MAST4: variants seen among roughly 807,000 people sequenced by gnomAD.
MAST4 encodes the protein microtubule-associated serine/threonine-protein kinase 4.
Under a neutral mutation model 162.7 loss-of-function variants are expected in MAST4, and 89 were observed. The observed-to-expected ratio is 0.55, with a 90% CI of 0.46 to 0.65. The LOEUF is 0.65. Ranked by LOEUF, MAST4 falls within the 30% of genes least tolerant of loss-of-function variation. The pLI is 0.00. For missense variants in MAST4, 3,153 were observed against 3,374.0 expected, an observed-to-expected ratio of 0.93 and a Z score of 1.62; for synonymous variants, 1,479 against 1,361.1, an observed-to-expected ratio of 1.09 and a Z score of -1.91.
intron 4 of MAST4, among the ~76,000 whole-genome samples, chr5:66,900,400 T>G (rs1762934228): frequency 6.6e-6 from 1 of 152,114 alleles, no homozygotes; most frequent in South Asian, 2.1e-4. Flanking sequence ...TTGAATCAGT[T>G]AAACTTTCCA....
At position 66,815,507 on chromosome 5, in the gene MAST4, G is replaced by A. The variant is rs961739396; in HGVS notation, c.642+26713G>A. ...ATAGAAAAAAAACAGTATATATGGG[G>A]CTTGGTACTATCTGTGGTTTCGGGC... is the stretch of plus-strand genomic sequence containing the variant. On this transcript the variant is annotated intron_variant, in intron 3 of 28. Transcript: ENST00000403625. Among the ~76,000 whole-genome samples, 24 of 152,192 alleles carry A rather than the reference G, an allele frequency of 1.6e-4. 1 individual carries two copies. Among genetic ancestry groups the A allele is most frequent in the Non-Finnish European group, 3.5e-4 (24 of 68,038 alleles).
chr5:66,931,185 T>C (rs1018686032), intron 4 of MAST4, among the ~76,000 whole-genome samples: 3 of 152,170 alleles, frequency 2.0e-5, no homozygotes, highest in Admixed American at 1.3e-4. Flanking sequence ...AGAAGGCAAT[T>C]CATGCTATGC....
At chr5:66,931,708 C>T (rs926366224) in intron 4 of MAST4, among the ~76,000 whole-genome samples, 1 of 152,012 alleles carries the variant, frequency 6.6e-6, no homozygotes, top group Admixed American at 6.6e-5. Context: ...AAATATTTAG[C>T]TCATATTGAA....
At chr5:66,619,032 G>A (rs1310730513) in intron 1 of MAST4, among the ~76,000 whole-genome samples, 1 of 152,206 alleles carries the variant, frequency 6.6e-6, no homozygotes, top group Non-Finnish European at 1.5e-5. Context: ...AAGTCTTGTG[G>A]AGGGTAGTAG....
chr5:67,078,786 TTATC>T (rs1250870739), intron 5 of MAST4, among the ~76,000 whole-genome samples: 4 of 131,948 alleles, frequency 3.0e-5, no homozygotes, highest in East Asian at 2.0e-4. Flanking sequence ...TTATTTATAT[TTATC>T]TAAATATATT....
chr5:66,852,056 G>T (rs1759352516), intron 3 of MAST4, among the ~76,000 whole-genome samples: 1 of 152,152 alleles, frequency 6.6e-6, no homozygotes, highest in South Asian at 2.1e-4. Flanking sequence ...AATCTACCAT[G>T]TTATAATGGA....
intron 1 of MAST4, among the ~76,000 whole-genome samples, chr5:66,708,859 C>T (rs779111903): frequency 6.6e-6 from 1 of 151,778 alleles, no homozygotes. Flanking sequence ...TATAAATGAT[C>T]GGGGAAAAAA....
intron 15 of MAST4, among the ~76,000 whole-genome samples, chr5:67,131,000 G>T (rs566038406): frequency 6.6e-6 from 1 of 152,132 alleles, no homozygotes; most frequent in South Asian, 2.1e-4. Context: ...TTAATAAGAT[G>T]AATAGATCAG....
chr5:66,816,083 G>A (rs1477953274), intron 3 of MAST4, among the ~76,000 whole-genome samples: 3 of 152,212 alleles, frequency 2.0e-5, no homozygotes, highest in Non-Finnish European at 4.4e-5. Context: ...GCCATTCCAT[G>A]CAAATGCTAG....
intron 1 of MAST4, among the ~76,000 whole-genome samples, chr5:66,752,142 A>T (rs1251174744): frequency 6.6e-6 from 1 of 152,200 alleles, no homozygotes; most frequent in East Asian, 1.9e-4. Context: ...CTCCTGAAGG[A>T]AACACTAAAC....
rs529340172 is a variant in MAST4, at chr5:66,901,132, C to T, written c.674+1150C>T. ...GTCCAAACTTTTTGATATTTCCCAT[C>T]ATGATGAGACAAAAGAAAAATAGAA... On this transcript the variant is annotated intron_variant, in intron 4 of 28. Coordinates refer to ENST00000403625, the MANE Select transcript of MAST4 (RefSeq NM_001164664.2). Among the ~76,000 whole-genome samples, 13 of 152,170 alleles carry T rather than the reference C, an allele frequency of 8.5e-5. 1 individual carries two copies. The South Asian group carries it at 2.7e-3, about 32-fold the overall frequency.
chr5:66,788,605 C>CCCCCAACAAAAAAAAAAAAAA, intron 2 of MAST4, 65 bp from the exon 3 acceptor site: 1 of 1,344,528 alleles, frequency 7.4e-7, no homozygotes, highest in Non-Finnish European at 1.0e-6. Flanking sequence ...CACCCCCACC[C>CCCCCAACAAAAAAAAAAAAAA]CCATTGCAAT....
chr5:66,663,072 C>CGATTTGAA, intron 1 of MAST4: 1 of 152,278 alleles, frequency 6.6e-6, no homozygotes, highest in Non-Finnish European at 1.5e-5. Flanking sequence ...AACTCCTGAC[C>CGATTTGAA]TCAGGTGATC....
At chr5:66,862,860 G>A (rs1760218455) in intron 3 of MAST4, among the ~76,000 whole-genome samples, 1 of 152,170 alleles carries the variant, frequency 6.6e-6, no homozygotes, top group Non-Finnish European at 1.5e-5. Flanking sequence ...GAGTGACCTG[G>A]CCCTGTATGT....
At position 66,811,609 on chromosome 5, in the gene MAST4, G is replaced by A. The variant is rs534452917; in HGVS notation, c.642+22815G>A. On this transcript the variant is annotated intron_variant, in intron 3 of 28. Coordinates refer to ENST00000403625, the MANE Select transcript of MAST4 (RefSeq NM_001164664.2). ...TGATAGAACATATAATACATTCTGG[G>A]TAGGTTAACATCTGTTATCTTAAGC... 3.9e-5 allele frequency among the ~76,000 whole-genome samples: 6 copies of A among 152,278 alleles called. No individual in the cohort carries two copies. In the South Asian group the frequency reaches 1.2e-3, roughly 32 times the overall value.
chr5:67,151,770 T>C (rs1225435443), intron 24 of MAST4, among the ~76,000 whole-genome samples: 1 of 126,000 alleles, frequency 7.9e-6, no homozygotes, highest in East Asian at 2.0e-4. Context: ...TTTTTTTCTT[T>C]TTTTTTTTTT....
intron 4 of MAST4, among the ~76,000 whole-genome samples, chr5:67,036,520 C>T (rs1018097598): frequency 7.2e-5 from 11 of 152,168 alleles, no homozygotes; most frequent in African/African-American, 2.6e-4. Flanking sequence ...CAGGACCTCC[C>T]TTGGAAACCA....
chr5:66,926,550 TTCTCTCTTTC>T (rs1561451858), intron 4 of MAST4, among the ~76,000 whole-genome samples: 1 of 130,728 alleles, frequency 7.6e-6, no homozygotes, highest in African/African-American at 2.6e-5. Context: ...CCATATCTCT[TTCTCTCTTTC>T]TCTCTCTATA....
At chr5:66,760,388 A>T (rs572241898) in intron 2 of MAST4, among the ~76,000 whole-genome samples, 1 of 152,204 alleles carries the variant, frequency 6.6e-6, no homozygotes, top group East Asian at 1.9e-4. Flanking sequence ...TGCTGGGATT[A>T]CAGGTGTGAG....
Sources: allele counts gnomAD v4.1 joint callset (sites outside exome capture counted in the v4.1 genomes callset), GRCh38; gene constraint gnomAD v4.1.1; transcripts MANE v1.5; gene names NCBI Gene and HGNC (gene_info 2026-07-23, HGNC 2026-07-21).